Variants in NTN1 observed in about 807,000 individuals in gnomAD.
The protein encoded by NTN1 is netrin-1.
Under a neutral mutation model 54.2 loss-of-function variants are expected in NTN1, and 11 were observed. The ratio of observed to expected loss-of-function variants is 0.20; its 90% confidence interval spans 0.13 to 0.34. The LOEUF is 0.34. NTN1 is among the 10% of genes least tolerant of loss of function. NTN1 has a pLI of 1.00. For missense variants in NTN1, 740 were observed against 893.1 expected (o/e 0.83, Z 2.18); for synonymous variants, 371 against 382.0 (o/e 0.97, Z 0.33).
intron 5 of NTN1, among the ~76,000 whole-genome samples, chr17:9,196,491 C>A (rs543103596): frequency 6.6e-6 from 1 of 152,188 alleles, no homozygotes; most frequent in Non-Finnish European, 1.5e-5. Context: ...ATTTTCCTCT[C>A]GGCAGCTCTC....
chr17:9,040,181 A>T (rs2091916759), intron 2 of NTN1, among the ~76,000 whole-genome samples: 1 of 152,208 alleles, frequency 6.6e-6, no homozygotes, highest in Non-Finnish European at 1.5e-5. Context: ...TAGAAATTTT[A>T]GCCATTCCAA....
intron 2 of NTN1, among the ~76,000 whole-genome samples, chr17:9,101,480 T>A (rs1225050540): frequency 6.6e-6 from 1 of 152,238 alleles, no homozygotes; most frequent in Non-Finnish European, 1.5e-5. Flanking sequence ...GCCAACCTTG[T>A]GACATCTGGC....
chr17:9,110,300 C>T (rs1046033904), intron 2 of NTN1, among the ~76,000 whole-genome samples: 4 of 150,042 alleles, frequency 2.7e-5, no homozygotes, highest in Non-Finnish European at 4.4e-5. Flanking sequence ...GACAGAGTCT[C>T]ACTCTGTCGT....
intron 2 of NTN1, among the ~76,000 whole-genome samples, chr17:9,105,049 G>A (rs569061136): frequency 6.6e-6 from 1 of 152,304 alleles, no homozygotes; most frequent in East Asian, 1.9e-4. Context: ...TGTGGGGCCC[G>A]TGAGAGACCC....
chr17:9,031,677 G>A (rs1337820845), intron 2 of NTN1, among the ~76,000 whole-genome samples: 2 of 152,158 alleles, frequency 1.3e-5, no homozygotes, highest in Non-Finnish European at 2.9e-5. Flanking sequence ...AGGTGCGGTG[G>A]CTCACACCTG....
intron 6 of NTN1, among the ~76,000 whole-genome samples, chr17:9,235,943 T>G (rs1186910142): frequency 6.6e-6 from 1 of 151,886 alleles, no homozygotes; most frequent in Non-Finnish European, 1.5e-5. Context: ...GTAGAGACAA[T>G]CTGCCTGCCT....
intron 2 of NTN1, among the ~76,000 whole-genome samples, chr17:9,033,249 C>T (rs114471168): frequency 0.022 from 3,373 of 152,162 alleles, 122 homozygotes; most frequent in African/African-American, 0.078. Flanking sequence ...CCACCGTGCC[C>T]GGCCCAATCC....
intron 2 of NTN1, among the ~76,000 whole-genome samples, chr17:9,153,858 C>T (rs982314293): frequency 2.6e-5 from 4 of 152,216 alleles, no homozygotes; most frequent in African/African-American, 9.7e-5. Context: ...CCTCGCCTGG[C>T]TCTCATGCCC....
At chr17:9,156,452 G>A (rs888711887) in intron 2 of NTN1, among the ~76,000 whole-genome samples, 1 of 152,084 alleles carries the variant, frequency 6.6e-6, no homozygotes, top group Non-Finnish European at 1.5e-5. Context: ...TGTGAAGTCT[G>A]GGGGAGCCAG....
intron 2 of NTN1, among the ~76,000 whole-genome samples, chr17:9,048,095 C>T (rs1051940704): frequency 1.3e-5 from 2 of 152,172 alleles, no homozygotes; most frequent in African/African-American, 2.4e-5. Flanking sequence ...ACCATCTGTG[C>T]AGCTATAGCC....
At chr17:9,031,979 T>TG (rs543999809) in intron 2 of NTN1, among the ~76,000 whole-genome samples, 1 of 139,926 alleles carries the variant, frequency 7.1e-6, no homozygotes, top group Non-Finnish European at 1.6e-5. Flanking sequence ...AAAAAGAAGA[T>TG]AAAAAAAAAA....
intron 2 of NTN1, among the ~76,000 whole-genome samples, chr17:9,112,067 G>A (rs998690070): frequency 1.3e-5 from 2 of 152,194 alleles, no homozygotes; most frequent in Non-Finnish European, 1.5e-5. Flanking sequence ...GGTGTTCAAG[G>A]AAGATGCCTC....
chr17:9,201,900 A>G (rs1044715482), intron 5 of NTN1, among the ~76,000 whole-genome samples: 10 of 151,686 alleles, frequency 6.6e-5, no homozygotes, highest in African/African-American at 2.4e-4. Context: ...AAGAAATAAA[A>G]GACCGGGCCG....
At chr17:9,076,718 A>G (rs1320014535) in intron 2 of NTN1, among the ~76,000 whole-genome samples, 4 of 152,234 alleles carry the variant, frequency 2.6e-5, no homozygotes, top group African/African-American at 9.6e-5. Context: ...CTCAGCCTTC[A>G]GCATGTCTAA....
At chr17:9,224,389 G>C (rs1448159344) in intron 6 of NTN1, among the ~76,000 whole-genome samples, 1 of 152,214 alleles carries the variant, frequency 6.6e-6, no homozygotes. Context: ...GGCGGGGAAG[G>C]GTGGGGCAGA....
chr17:9,123,929 G>A lies in NTN1; in HGVS notation c.1019-38884G>A, dbSNP rs186559962. 3.3e-5 allele frequency among the ~76,000 whole-genome samples: 5 copies of A among 152,252 alleles called. No individual in the cohort carries two copies. In the East Asian group the frequency reaches 7.7e-4, roughly 23 times the overall value. On this transcript the variant is annotated intron_variant, in intron 2 of 6. Coordinates refer to ENST00000173229, the MANE Select transcript of NTN1 (RefSeq NM_004822.3). ...CCAGATCTTTGAAAACACCGGGAGC[G>A]CTTACTGTCCTCGCTGGTGAGAGTA...
intron 6 of NTN1, among the ~76,000 whole-genome samples, chr17:9,224,343 G>T (rs928007591): frequency 2.0e-5 from 3 of 152,192 alleles, no homozygotes; most frequent in African/African-American, 7.2e-5. Context: ...CTGCCCTGTT[G>T]TGGCCGCCCT....
At chr17:9,139,619 T>C (rs1031751257) in intron 2 of NTN1, among the ~76,000 whole-genome samples, 2 of 152,172 alleles carry the variant, frequency 1.3e-5, no homozygotes, top group African/African-American at 4.8e-5. Context: ...CCAAGCTTGC[T>C]TTTAAGTTCA....
chr17:9,035,935 T>C (rs1237735861), intron 2 of NTN1, among the ~76,000 whole-genome samples: 1 of 152,152 alleles, frequency 6.6e-6, no homozygotes, highest in Non-Finnish European at 1.5e-5. Context: ...GGCATGAGAA[T>C]TGCCTGAACC....
Sources: gnomAD v4.1 joint callset for allele counts (sites outside exome capture counted in the v4.1 genomes callset) on GRCh38, gnomAD v4.1.1 for gene constraint, MANE v1.5 for transcripts, NCBI Gene and HGNC (gene_info 2026-07-23, HGNC 2026-07-21) for gene names.